CDH8: variants seen among roughly 807,000 people sequenced by gnomAD.
The protein encoded by CDH8 is cadherin 8, also known as cadherin-8.
A neutral mutation model predicts 68.1 loss-of-function variants in CDH8; 17 were observed. The observed-to-expected ratio is 0.25, with a 90% CI of 0.17 to 0.37. CDH8 has a LOEUF of 0.37. CDH8 is among the 10% of genes least tolerant of loss of function. The probability of loss-of-function intolerance (pLI) is 1.00; values close to 1 mark genes in which losing one functional copy is unlikely to be tolerated. For synonymous variants in CDH8, 372 were observed against 365.1 expected (o/e 1.02, Z -0.21); for missense variants, 763 against 999.3 (o/e 0.76, Z 3.19).
chr16:61,983,628 A>C (rs1157520318), intron 2 of CDH8, among the ~76,000 whole-genome samples: 2 of 152,150 alleles, frequency 1.3e-5, no homozygotes, highest in Non-Finnish European at 2.9e-5. Flanking sequence ...AATTTTTACA[A>C]TTTGTTCTGT....
chr16:61,884,717 T>C (rs1257252119), intron 3 of CDH8, among the ~76,000 whole-genome samples: 1 of 152,126 alleles, frequency 6.6e-6, no homozygotes, highest in Admixed American at 6.5e-5. Flanking sequence ...TTAGCTTACT[T>C]TATTGTAAGA....
At chr16:62,029,352 TAAGTA>T (rs1902270624) in intron 1 of CDH8, among the ~76,000 whole-genome samples, 2 of 152,200 alleles carry the variant, frequency 1.3e-5, no homozygotes, top group Admixed American at 1.3e-4. Context: ...AGACAGGTAA[TAAGTA>T]AAGTAACTTT....
At chr16:61,902,538 G>A (rs1236030713) in intron 2 of CDH8, among the ~76,000 whole-genome samples, 5 of 147,394 alleles carry the variant, frequency 3.4e-5, no homozygotes, top group Admixed American at 2.7e-4. Flanking sequence ...TTACTTAACT[G>A]CCAATATAGT....
intron 7 of CDH8, among the ~76,000 whole-genome samples, chr16:61,801,976 G>A (rs1406425185): frequency 7.1e-6 from 1 of 141,556 alleles, no homozygotes; most frequent in East Asian, 2.0e-4. Context: ...AGCTCAAGGA[G>A]GCCTGCCTGC....
chr16:61,923,255 G>A (rs575321947), intron 2 of CDH8, among the ~76,000 whole-genome samples: 16 of 152,244 alleles, frequency 1.1e-4, no homozygotes, highest in East Asian at 1.9e-4. Flanking sequence ...GAACACAGGC[G>A]TCTTCATTCC....
At chr16:61,774,151 T>C (rs1314740199) in intron 8 of CDH8, among the ~76,000 whole-genome samples, 1 of 152,034 alleles carries the variant, frequency 6.6e-6, no homozygotes, top group Non-Finnish European at 1.5e-5. Context: ...TCAATACAGA[T>C]CAGACCAACT....
At chr16:61,751,864 T>C (rs1960175827) in intron 8 of CDH8, among the ~76,000 whole-genome samples, 3 of 152,120 alleles carry the variant, frequency 2.0e-5, no homozygotes, top group African/African-American at 7.2e-5. Context: ...CCAATGATAT[T>C]AGGTATTAGC....
At chr16:61,961,017 A>G (rs998248407) in intron 2 of CDH8, among the ~76,000 whole-genome samples, 2 of 152,088 alleles carry the variant, frequency 1.3e-5, no homozygotes, top group Admixed American at 1.3e-4. Context: ...AAGGATCTCT[A>G]TAAGAACAGG....
chr16:61,871,872 A>G (rs1963376418), intron 3 of CDH8, among the ~76,000 whole-genome samples: 1 of 150,936 alleles, frequency 6.6e-6, no homozygotes, highest in Non-Finnish European at 1.5e-5. Flanking sequence ...GCTACCTGAA[A>G]ATCAGAATGT....
intron 3 of CDH8, among the ~76,000 whole-genome samples, chr16:61,862,637 G>C (rs1169633092): frequency 1.3e-5 from 2 of 152,100 alleles, no homozygotes; most frequent in East Asian, 3.9e-4. Context: ...TGTGTGTAGA[G>C]GTTTTGTGGG....
intron 2 of CDH8, among the ~76,000 whole-genome samples, chr16:61,975,064 T>G (rs992897235): frequency 6.6e-6 from 1 of 152,062 alleles, no homozygotes; most frequent in African/African-American, 2.4e-5. Flanking sequence ...CTGAAAATAA[T>G]AAAAGATGTC....
chr16:61,910,566 C>T (rs1288071793), intron 2 of CDH8, among the ~76,000 whole-genome samples: 1 of 152,058 alleles, frequency 6.6e-6, no homozygotes, highest in Admixed American at 6.6e-5. Flanking sequence ...CTTAACCTCT[C>T]CAAGACTAGT....
intron 10 of CDH8, among the ~76,000 whole-genome samples, chr16:61,684,664 C>T (rs1242055466): frequency 6.6e-6 from 1 of 151,904 alleles, no homozygotes; most frequent in Non-Finnish European, 1.5e-5. Flanking sequence ...ATTTTTTGGC[C>T]GTCCAGTGCT....
chr16:61,752,344 A>G (rs1453926163), intron 8 of CDH8, among the ~76,000 whole-genome samples: 2 of 152,196 alleles, frequency 1.3e-5, no homozygotes, highest in African/African-American at 2.4e-5. Context: ...CAAAAAACTT[A>G]ATTTCTTACA....
intron 8 of CDH8, among the ~76,000 whole-genome samples, chr16:61,782,142 G>T (rs7197418): frequency 0.22 from 32,754 of 152,096 alleles, 4,053 homozygotes; most frequent in African/African-American, 0.35. Context: ...GAGCGACGCA[G>T]AAGACGGGTG....
At chr16:61,731,973 T>C (rs909787182) in intron 8 of CDH8, among the ~76,000 whole-genome samples, 1 of 151,680 alleles carries the variant, frequency 6.6e-6, no homozygotes, top group African/African-American at 2.4e-5. Context: ...GAAATTACCA[T>C]AACCAAAATT....
At chr16:61,847,470 C>G (rs1165938697) in intron 4 of CDH8, among the ~76,000 whole-genome samples, 1 of 150,198 alleles carries the variant, frequency 6.7e-6, no homozygotes, top group African/African-American at 2.4e-5. Context: ...GCATCAGAGA[C>G]TAACTTTGGC....
intron 4 of CDH8, among the ~76,000 whole-genome samples, chr16:61,833,006 G>A (rs1962493756): frequency 6.6e-6 from 1 of 151,554 alleles, no homozygotes; most frequent in South Asian, 2.1e-4. Context: ...TCTGGAGTTA[G>A]CTAGATGAGA....
chr16:61,969,190 T>C, intron 2 of CDH8, among the ~76,000 whole-genome samples: 1 of 152,176 alleles, frequency 6.6e-6, no homozygotes, highest in East Asian at 1.9e-4. Context: ...TCAAAACAAA[T>C]AGAACTCCCG....
Sources: gnomAD v4.1 joint callset for allele counts (sites outside exome capture counted in the v4.1 genomes callset) on GRCh38, gnomAD v4.1.1 for gene constraint, MANE v1.5 for transcripts, NCBI Gene and HGNC (gene_info 2026-07-23, HGNC 2026-07-21) for gene names.